The following PRKG1 variants were observed in gnomAD, a reference collection of about 807,000 sequenced individuals.
PRKG1 encodes protein kinase cGMP-dependent 1, also known as cGMP-dependent protein kinase 1.
A neutral mutation model predicts 88.1 loss-of-function variants in PRKG1; 35 were observed. That is an observed-to-expected ratio of 0.40 (90% CI 0.30 to 0.53). The LOEUF is 0.53. PRKG1 is among the 20% of genes least tolerant of loss of function. PRKG1 has a pLI of 0.59. For synonymous variants in PRKG1, 303 were observed against 292.5 expected (o/e 1.04, Z -0.37); for missense variants, 540 against 839.8 (o/e 0.64, Z 4.41).
intron 5 of PRKG1, among the ~76,000 whole-genome samples, chr10:52,043,913 C>T (rs1168724349): frequency 2.7e-5 from 1 of 36,472 alleles, no homozygotes; most frequent in African/African-American, 5.8e-5. Flanking sequence ...CCCAGTTAAA[C>T]ATAGAAAAAA....
chr10:51,076,886 A>C (rs974723185), intron 1 of PRKG1, among the ~76,000 whole-genome samples: 1 of 152,138 alleles, frequency 6.6e-6, no homozygotes, highest in Non-Finnish European at 1.5e-5. Flanking sequence ...ATTTCTTACT[A>C]ATAACTTGTA....
At chr10:52,284,856 G>C (rs1320740267) in intron 14 of PRKG1, among the ~76,000 whole-genome samples, 1 of 152,054 alleles carries the variant, frequency 6.6e-6, no homozygotes, top group East Asian at 1.9e-4. Flanking sequence ...GAGTGAAAAG[G>C]GGGAGAGAGG....
At chr10:51,916,079 G>A (rs953816753) in intron 5 of PRKG1, among the ~76,000 whole-genome samples, 3 of 152,160 alleles carry the variant, frequency 2.0e-5, no homozygotes, top group African/African-American at 4.8e-5. Flanking sequence ...GGGTTACCGC[G>A]TTGTCAGAGG....
At chr10:52,272,321 C>T (rs534431813) in intron 11 of PRKG1, 71 bp from the exon 12 acceptor site, 17 of 1,165,422 alleles carry the variant, frequency 1.5e-5, no homozygotes, top group Middle Eastern at 2.2e-4. Flanking sequence ...ATAATCTGGG[C>T]CCCCCAAAAT....
chr10:51,765,815 A>ATTTTTT (rs398046339), intron 3 of PRKG1, among the ~76,000 whole-genome samples: 3 of 134,662 alleles, frequency 2.2e-5, no homozygotes, highest in Admixed American at 7.8e-5. Flanking sequence ...GCCTTACATG[A>ATTTTTT]TTTTTTTTTT....
chr10:51,805,931 T>C (rs895071531), intron 4 of PRKG1, among the ~76,000 whole-genome samples: 3 of 152,146 alleles, frequency 2.0e-5, no homozygotes, highest in Admixed American at 2.0e-4. Flanking sequence ...TTAGAAGAGG[T>C]AGAAATGTAA....
chr10:51,740,793 T>G (rs990293279), intron 3 of PRKG1, among the ~76,000 whole-genome samples: 1 of 152,140 alleles, frequency 6.6e-6, no homozygotes, highest in Non-Finnish European at 1.5e-5. Flanking sequence ...AGAATCAAGA[T>G]AGTAAATTCT....
At chr10:51,302,368 G>C (rs2132242170) in intron 2 of PRKG1, among the ~76,000 whole-genome samples, 1 of 152,248 alleles carries the variant, frequency 6.6e-6, no homozygotes, top group East Asian at 1.9e-4. Flanking sequence ...TTGAGATAAA[G>C]AGTTATTTGC....
At chr10:51,656,433 T>C (rs989750983) in intron 3 of PRKG1, among the ~76,000 whole-genome samples, 1 of 152,146 alleles carries the variant, frequency 6.6e-6, no homozygotes, top group African/African-American at 2.4e-5. Flanking sequence ...TGAGAGCCCA[T>C]CATGTATAGT....
chr10:51,281,456 C>T (rs1027291439), intron 2 of PRKG1, among the ~76,000 whole-genome samples: 3 of 152,178 alleles, frequency 2.0e-5, no homozygotes, highest in Non-Finnish European at 2.9e-5. Flanking sequence ...CCCACAGAGC[C>T]TCGCTCATTG....
At chr10:51,574,779 CTTCTCAGTGAATAAATCT>C (rs1217812997) in intron 3 of PRKG1, among the ~76,000 whole-genome samples, 73 of 152,026 alleles carry the variant, frequency 4.8e-4, no homozygotes, top group African/African-American at 1.7e-3. Context: ...ACTTTATAGC[CTTCTCAGTGAATAAATCT>C]GAAGCACATT....
At chr10:51,139,659 A>G (rs1845776128) in intron 1 of PRKG1, among the ~76,000 whole-genome samples, 1 of 152,182 alleles carries the variant, frequency 6.6e-6, no homozygotes, top group Non-Finnish European at 1.5e-5. Context: ...TAAGTCCTAT[A>G]GCGCCCACTT....
chr10:52,012,517 C>T (rs1844916867), intron 5 of PRKG1, among the ~76,000 whole-genome samples: 1 of 152,140 alleles, frequency 6.6e-6, no homozygotes, highest in South Asian at 2.1e-4. Context: ...GCTGGGATTA[C>T]AGGCGTGAGC....
At chr10:51,364,537 G>A (rs1310498861) in intron 2 of PRKG1, among the ~76,000 whole-genome samples, 2 of 151,872 alleles carry the variant, frequency 1.3e-5, no homozygotes, top group African/African-American at 4.8e-5. Flanking sequence ...CAAGCTGGCT[G>A]TGTAAATTGG....
chr10:51,804,066 T>C (rs1195613418), intron 3 of PRKG1, among the ~76,000 whole-genome samples: 1 of 152,130 alleles, frequency 6.6e-6, no homozygotes, highest in Admixed American at 6.6e-5. Context: ...TTTCAATTTG[T>C]AAAACGAGCT....
intron 3 of PRKG1, chr10:51,698,651 AAAGGCACTGGGCC>A (rs1313959914): frequency 6.2e-7 from 1 of 1,614,040 alleles, no homozygotes; most frequent in Non-Finnish European, 8.5e-7. Context: ...TCCCCGCTCT[AAAGGCACTGGGCC>A]AACCCCTGGC....
chr10:51,670,247 A>G (rs534668295), intron 3 of PRKG1, among the ~76,000 whole-genome samples: 43 of 152,168 alleles, frequency 2.8e-4, no homozygotes, highest in Admixed American at 1.4e-3. Context: ...AGCCCATAGT[A>G]TATTTTTAAT....
At chr10:52,166,821 A>ATATATATATATGTATATATATATATC (rs1564498496) in intron 9 of PRKG1, among the ~76,000 whole-genome samples, 2 of 2,430 alleles carry the variant, frequency 8.2e-4, no homozygotes, top group Admixed American at 0.015. Flanking sequence ...ATATATATGT[A>ATATATATATATGTATATATATATATC]TATATATGTA....
At chr10:51,808,323 G>A (rs1937651) in intron 4 of PRKG1, among the ~76,000 whole-genome samples, 102,399 of 151,920 alleles carry the variant, frequency 0.67, 34,713 homozygotes, top group Middle Eastern at 0.71. Flanking sequence ...TCGGCTGGGT[G>A]TAGTGGCTCA....
Sources: gnomAD v4.1 joint callset for allele counts (sites outside exome capture counted in the v4.1 genomes callset) on GRCh38, gnomAD v4.1.1 for gene constraint, MANE v1.5 for transcripts, NCBI Gene and HGNC (gene_info 2026-07-23, HGNC 2026-07-21) for gene names.